CNTNAP2: variants seen among roughly 807,000 people sequenced by gnomAD.
CNTNAP2 encodes the protein contactin-associated protein-like 2.
CNTNAP2 carries 98 observed loss-of-function variants against 155.2 expected under a neutral mutation model. The ratio of observed to expected loss-of-function variants is 0.63; its 90% CI spans 0.54 to 0.75. CNTNAP2 has a LOEUF of 0.75. Among genes scored for constraint, CNTNAP2 ranks in the 30% least tolerant of loss-of-function variants. The probability of loss-of-function intolerance (pLI) is 0.00; values close to 1 mark genes in which losing one functional copy is unlikely to be tolerated. For missense variants in CNTNAP2, 1,727 were observed against 1,688.1 expected, an observed-to-expected ratio of 1.02 and a Z score of -0.40; for synonymous variants, 651 against 631.2, an observed-to-expected ratio of 1.03 and a Z score of -0.47.
intron 1 of CNTNAP2, among the ~76,000 whole-genome samples, chr7:146,179,569 G>C (rs573457424): frequency 3.3e-5 from 5 of 152,050 alleles, no homozygotes; most frequent in Non-Finnish European, 7.4e-5. Flanking sequence ...TGTTTTTCGA[G>C]AATTATTAAA....
chr7:146,645,108 A>C (rs1799788665), intron 1 of CNTNAP2, among the ~76,000 whole-genome samples: 1 of 152,236 alleles, frequency 6.6e-6, no homozygotes, highest in Non-Finnish European at 1.5e-5. Context: ...GTACTTCTAA[A>C]AGCAGGGCTT....
chr7:146,722,043 A>C (rs1801345935), intron 1 of CNTNAP2, among the ~76,000 whole-genome samples: 1 of 150,268 alleles, frequency 6.7e-6, no homozygotes, highest in East Asian at 1.9e-4. Context: ...GCCGGCTACC[A>C]TGCCTGGCTA....
chr7:147,542,314 G>A (rs1316195121), intron 11 of CNTNAP2, among the ~76,000 whole-genome samples: 1 of 140,832 alleles, frequency 7.1e-6, no homozygotes, highest in South Asian at 2.3e-4. Flanking sequence ...AAAAAAAAAA[G>A]CTCCAAAAAA....
chr7:147,183,169 C>T (rs1802500331), intron 8 of CNTNAP2, among the ~76,000 whole-genome samples: 1 of 149,590 alleles, frequency 6.7e-6, no homozygotes, highest in South Asian at 2.1e-4. Context: ...AAAAAGGAAA[C>T]ATTAAGCTAC....
At chr7:148,300,426 A>T (rs1318447416) in intron 21 of CNTNAP2, among the ~76,000 whole-genome samples, 1 of 152,232 alleles carries the variant, frequency 6.6e-6, no homozygotes, top group Non-Finnish European at 1.5e-5. Flanking sequence ...GCATCAGCAT[A>T]TGAACTATAT....
chr7:146,792,662 T>G (rs1325507173), intron 2 of CNTNAP2, among the ~76,000 whole-genome samples: 1 of 152,162 alleles, frequency 6.6e-6, no homozygotes, highest in East Asian at 1.9e-4. Flanking sequence ...ATCTGAAAAG[T>G]TGACAAGGGA....
At chr7:146,579,762 G>C (rs186363491) in intron 1 of CNTNAP2, among the ~76,000 whole-genome samples, 2 of 152,210 alleles carry the variant, frequency 1.3e-5, no homozygotes, top group Non-Finnish European at 2.9e-5. Context: ...AAACGACATT[G>C]AGTAGAAAAT....
intron 18 of CNTNAP2, among the ~76,000 whole-genome samples, chr7:148,201,034 A>G (rs1241892831): frequency 1.3e-5 from 2 of 152,254 alleles, no homozygotes; most frequent in African/African-American, 2.4e-5. Context: ...TTGCACCAAC[A>G]GAGGTGCAGA....
intron 1 of CNTNAP2, among the ~76,000 whole-genome samples, chr7:146,505,429 CT>C (rs1274473885): frequency 2.0e-5 from 3 of 152,222 alleles, no homozygotes; most frequent in Non-Finnish European, 2.9e-5. Context: ...GACTTCTGCC[CT>C]GGGTGATGGT....
chr7:147,526,171 G>C (rs567538347), intron 11 of CNTNAP2, among the ~76,000 whole-genome samples: 1 of 142,128 alleles, frequency 7.0e-6, no homozygotes, highest in Admixed American at 7.4e-5. Context: ...CAGCCTGGGA[G>C]ACAGAGTGAG....
chr7:147,031,051 C>T (rs1229287020), intron 3 of CNTNAP2, among the ~76,000 whole-genome samples: 3 of 152,096 alleles, frequency 2.0e-5, no homozygotes, highest in East Asian at 3.8e-4. Flanking sequence ...TCTACATTTT[C>T]GTATCCATTT....
At chr7:147,150,345 C>G (rs2129289176) in intron 8 of CNTNAP2, among the ~76,000 whole-genome samples, 1 of 151,958 alleles carries the variant, frequency 6.6e-6, no homozygotes, top group Non-Finnish European at 1.5e-5. Flanking sequence ...AAGAAGAACT[C>G]AAAGAGTACT....
intron 13 of CNTNAP2, among the ~76,000 whole-genome samples, chr7:147,767,895 A>G (rs1428398083): frequency 5.9e-5 from 9 of 152,122 alleles, no homozygotes; most frequent in Admixed American, 5.9e-4. Flanking sequence ...AAAGGAGATT[A>G]TGTTTTTTCT....
chr7:146,848,965 G>C (rs1402295147), intron 3 of CNTNAP2, among the ~76,000 whole-genome samples: 2 of 152,080 alleles, frequency 1.3e-5, no homozygotes, highest in African/African-American at 4.8e-5. Flanking sequence ...TAGAGACGTA[G>C]AGACGGGGTT....
chr7:147,807,993 A>AAAT (rs1554437520), intron 13 of CNTNAP2, among the ~76,000 whole-genome samples: 16 of 152,148 alleles, frequency 1.1e-4, no homozygotes, highest in African/African-American at 2.6e-4. Flanking sequence ...TTTTAAAAAA[A>AAAT]AAAAATAAAA....
chr7:147,365,369 C>A (rs1382547981), intron 9 of CNTNAP2, among the ~76,000 whole-genome samples: 3 of 113,374 alleles, frequency 2.6e-5, no homozygotes, highest in Non-Finnish European at 5.0e-5. Flanking sequence ...AGGAGAGACA[C>A]TCTATCTCAA....
intron 13 of CNTNAP2, among the ~76,000 whole-genome samples, chr7:147,854,032 G>T (rs1349063892): frequency 6.6e-6 from 1 of 152,184 alleles, no homozygotes; most frequent in Non-Finnish European, 1.5e-5. Context: ...CTAGTGGAAA[G>T]TTAACAGTGG....
intron 19 of CNTNAP2, among the ~76,000 whole-genome samples, chr7:148,219,848 C>G (rs990242394): frequency 6.6e-6 from 1 of 151,802 alleles, no homozygotes; most frequent in Non-Finnish European, 1.5e-5. Flanking sequence ...AAGACCCTGT[C>G]TCTAAAATAA....
intron 15 of CNTNAP2, among the ~76,000 whole-genome samples, chr7:147,991,524 T>C (rs1246778258): frequency 6.6e-6 from 1 of 152,172 alleles, no homozygotes; most frequent in Non-Finnish European, 1.5e-5. Flanking sequence ...AATGAAAACT[T>C]TTATTCCTTT....
Sources: allele counts gnomAD v4.1 joint callset (sites outside exome capture counted in the v4.1 genomes callset), GRCh38; gene constraint gnomAD v4.1.1; transcripts MANE v1.5; gene names NCBI Gene and HGNC (gene_info 2026-07-23, HGNC 2026-07-21).